The following RIT2 variants were observed in gnomAD, a reference collection of about 807,000 sequenced individuals.
The protein encoded by RIT2 is Ras like without CAAX 2.
Under a neutral mutation model 23.7 loss-of-function variants are expected in RIT2, and 24 were observed. That is an observed-to-expected ratio of 1.01 (90% CI 0.73 to 1.43). RIT2 has a LOEUF of 1.43. Among genes scored for constraint, RIT2 ranks in the 40% most tolerant of loss-of-function variants. The pLI, the probability that RIT2 is intolerant of heterozygous loss-of-function variation, is 0.00. For missense variants in RIT2, 236 were observed against 266.9 expected (o/e 0.88, Z 0.81); for synonymous variants, 107 against 91.1 (o/e 1.17, Z -0.99).
At chr18:43,065,887 G>A (rs1441080912) in intron 1 of RIT2, among the ~76,000 whole-genome samples, 1 of 152,136 alleles carries the variant, frequency 6.6e-6, no homozygotes, top group Admixed American at 6.6e-5. Flanking sequence ...TCCAAAGCAT[G>A]TAGTTGGGGT....
chr18:42,959,237 G>C (rs1019049680), intron 3 of RIT2, among the ~76,000 whole-genome samples: 6 of 152,112 alleles, frequency 3.9e-5, no homozygotes, highest in African/African-American at 1.4e-4. Context: ...ATAATTTGAA[G>C]TCTTATTATT....
At chr18:42,986,047 T>C (rs1044215928) in intron 2 of RIT2, among the ~76,000 whole-genome samples, 3 of 151,468 alleles carry the variant, frequency 2.0e-5, no homozygotes, top group African/African-American at 4.8e-5. Flanking sequence ...CTTTTCTTTT[T>C]TTTTTTTTTT....
At chr18:43,113,412 T>C (rs1350120489) in intron 1 of RIT2, among the ~76,000 whole-genome samples, 1 of 152,216 alleles carries the variant, frequency 6.6e-6, no homozygotes, top group Non-Finnish European at 1.5e-5. Context: ...TGGTCATTCC[T>C]GTCTTTTCAT....
At chr18:42,775,038 T>G (rs1913635105) in intron 4 of RIT2, among the ~76,000 whole-genome samples, 1 of 152,200 alleles carries the variant, frequency 6.6e-6, no homozygotes, top group African/African-American at 2.4e-5. Flanking sequence ...AAAACTGAAC[T>G]TATGTGTTTA....
chr18:42,937,933 A>G (rs615258), intron 3 of RIT2, among the ~76,000 whole-genome samples: 63,301 of 151,956 alleles, frequency 0.42, 14,827 homozygotes, highest in East Asian at 0.86. Context: ...GGTAGGGTCA[A>G]GGCATTGGTA....
At position 42,985,319 on chromosome 18, in the gene RIT2, G is replaced by A. The variant is rs1378306361; in HGVS notation, c.161-11172C>T. ...TATATGCCATGTTTATGGGTTGGAT[G>A]ATTCAATATTGTAATGATGTTAGAT... On this transcript the variant is annotated intron_variant, in intron 2 of 4. Transcript: ENST00000326695. Among the ~76,000 whole-genome samples, 4 of 152,126 alleles carry A rather than the reference G, an allele frequency of 2.6e-5. No homozygotes were observed. In the East Asian group the frequency reaches 5.8e-4, roughly 22 times the overall value.
At position 42,963,702 on chromosome 18, in the gene RIT2, G is replaced by C. The variant is rs561905014; in HGVS notation, c.234+10372C>G. On this transcript the variant is annotated intron_variant, in intron 3 of 4. Coordinates refer to ENST00000326695, the MANE Select transcript of RIT2 (RefSeq NM_002930.4). ...GAGGTTAGGAGTTTGAAATCAGCCT[G>C]GTCAACATGGTGAAACCCCATTTCT... Among the ~76,000 whole-genome samples, 5 of 152,154 alleles carry C rather than the reference G, an allele frequency of 3.3e-5. No homozygotes were observed. In the South Asian group the frequency reaches 1.0e-3, roughly 32 times the overall value.
chr18:42,888,865 C>T (rs1908098127), intron 4 of RIT2, among the ~76,000 whole-genome samples: 1 of 152,046 alleles, frequency 6.6e-6, no homozygotes, highest in Non-Finnish European at 1.5e-5. Context: ...ACACTGAGCA[C>T]ATGTGGACAT....
chr18:42,869,046 C>T (rs775695308), intron 4 of RIT2, among the ~76,000 whole-genome samples: 1 of 152,156 alleles, frequency 6.6e-6, no homozygotes, highest in Non-Finnish European at 1.5e-5. Flanking sequence ...TAAACGCAAG[C>T]TTTTTCTTTT....
intron 1 of RIT2, among the ~76,000 whole-genome samples, chr18:43,052,630 C>T (rs1242257652): frequency 6.6e-6 from 1 of 152,068 alleles, no homozygotes. Context: ...CCTTTCCACA[C>T]TGTTGACATT....
chr18:42,814,870 A>G (rs1250986777), intron 4 of RIT2, among the ~76,000 whole-genome samples: 1 of 152,160 alleles, frequency 6.6e-6, no homozygotes, highest in Non-Finnish European at 1.5e-5. Context: ...CACCCCCAGT[A>G]CCAGCCTGGA....
chr18:42,888,133 C>A (rs1598700823), intron 4 of RIT2, among the ~76,000 whole-genome samples: 1 of 151,750 alleles, frequency 6.6e-6, no homozygotes, highest in East Asian at 1.9e-4. Flanking sequence ...CGAGAGCAAA[C>A]CCTAATGTAA....
At chr18:43,043,999 G>A (rs1036799073) in intron 1 of RIT2, among the ~76,000 whole-genome samples, 5 of 152,026 alleles carry the variant, frequency 3.3e-5, no homozygotes, top group African/African-American at 1.2e-4. Context: ...AGGAAGCATG[G>A]CAGAACAGCA....
chr18:42,830,333 A>T (rs2144007229), intron 4 of RIT2, among the ~76,000 whole-genome samples: 1 of 152,304 alleles, frequency 6.6e-6, no homozygotes, highest in African/African-American at 2.4e-5. Flanking sequence ...TCTGTTTTCT[A>T]GTCACAGTAA....
chr18:42,946,786 T>C lies in RIT2; in HGVS notation c.235-23023A>G, dbSNP rs1359537358. 2.0e-5 allele frequency among the ~76,000 whole-genome samples: 3 copies of C among 152,050 alleles called. No individual in the cohort carries two copies. The East Asian group carries it at 5.8e-4, about 29-fold the overall frequency. On this transcript the variant is annotated intron_variant, in intron 3 of 4. Transcript: ENST00000326695. Reference sequence around the variant, plus strand: ...GTACTCTGCTATTTCAGCAGAGATGTAAATGAATGTGAAATTTAGTGAGTT... The same window carrying C: ...GTACTCTGCTATTTCAGCAGAGATGCAAATGAATGTGAAATTTAGTGAGTT...
At chr18:42,885,275 T>C (rs2144085168) in intron 4 of RIT2, among the ~76,000 whole-genome samples, 1 of 152,278 alleles carries the variant, frequency 6.6e-6, no homozygotes, top group Non-Finnish European at 1.5e-5. Context: ...CTAATAGAAA[T>C]ATTCTCTAGT....
chr18:42,843,205 G>A (rs1285617636), intron 4 of RIT2, among the ~76,000 whole-genome samples: 1 of 152,164 alleles, frequency 6.6e-6, no homozygotes, highest in Non-Finnish European at 1.5e-5. Flanking sequence ...AATGGCTATA[G>A]TGATTCCAGG....
intron 4 of RIT2, among the ~76,000 whole-genome samples, chr18:42,761,950 A>G (rs1452625047): frequency 1.3e-5 from 2 of 152,224 alleles, no homozygotes; most frequent in African/African-American, 4.8e-5. Context: ...CAAACCATGC[A>G]TTGAGATGGA....
At chr18:43,038,086 T>G (rs1160213940) in intron 1 of RIT2, among the ~76,000 whole-genome samples, 1 of 151,288 alleles carries the variant, frequency 6.6e-6, no homozygotes, top group Non-Finnish European at 1.5e-5. Context: ...GTGCCTGTAA[T>G]CCTAGCTACT....
Sources: allele counts gnomAD v4.1 joint callset (sites outside exome capture counted in the v4.1 genomes callset), GRCh38; gene constraint gnomAD v4.1.1; transcripts MANE v1.5; gene names NCBI Gene and HGNC (gene_info 2026-07-23, HGNC 2026-07-21).